The following PLOD2 variants were observed in gnomAD, a reference collection of about 807,000 sequenced individuals.
PLOD2 encodes the protein procollagen-lysine,2-oxoglutarate 5-dioxygenase 2, also known as lysine hydroxylase 2.
Under a neutral mutation model 101.0 loss-of-function variants are expected in PLOD2, and 65 were observed. The ratio of observed to expected loss-of-function variants is 0.64; its 90% CI spans 0.53 to 0.79. The LOEUF is 0.79. PLOD2 is among the 30% of genes least tolerant of loss of function. PLOD2 has a pLI of 0.00. For missense variants in PLOD2, 909 were observed against 914.6 expected (o/e 0.99, Z 0.08); for synonymous variants, 314 against 302.9 (o/e 1.04, Z -0.38).
intron 7 of PLOD2, among the ~76,000 whole-genome samples, chr3:146,097,065 C>T (rs1238768910): frequency 2.7e-5 from 4 of 148,476 alleles, no homozygotes; most frequent in Non-Finnish European, 4.5e-5. Flanking sequence ...TCTGCCCGGC[C>T]GCCCCTACTG....
chr3:146,109,827 CA>C (rs1937596484), intron 4 of PLOD2, among the ~76,000 whole-genome samples: 2 of 152,160 alleles, frequency 1.3e-5, no homozygotes, highest in Non-Finnish European at 2.9e-5. Context: ...GGGTTCAAGA[CA>C]AATCATTTAT....
intron 3 of PLOD2, among the ~76,000 whole-genome samples, chr3:146,113,869 G>A (rs1393274126): frequency 2.6e-5 from 4 of 152,156 alleles, no homozygotes; most frequent in African/African-American, 9.7e-5. Context: ...GCGGAACAGA[G>A]CCATATTTCT....
intron 15 of PLOD2, 41 bp downstream of exon 15, chr3:146,076,741 C>A: frequency 1.1e-6 from 1 of 949,922 alleles, no homozygotes. Flanking sequence ...TAACCACTTA[C>A]AGTTATAGAA....
chr3:146,085,079 T>G, intron 11 of PLOD2, 90 bp downstream of exon 11: 1 of 670,934 alleles, frequency 1.5e-6, no homozygotes, highest in Non-Finnish European at 2.7e-6. Context: ...TTCCCTCAAT[T>G]TACTAAATAC....
intron 1 of PLOD2, among the ~76,000 whole-genome samples, chr3:146,125,558 T>A (rs1287825249): frequency 1.3e-5 from 2 of 151,914 alleles, no homozygotes; most frequent in Non-Finnish European, 2.9e-5. Flanking sequence ...ACCAGCCTGG[T>A]CAACATGGTG....
intron 8 of PLOD2, among the ~76,000 whole-genome samples, chr3:146,090,879 T>C (rs1242692215): frequency 6.6e-6 from 1 of 151,778 alleles, no homozygotes; most frequent in African/African-American, 2.4e-5. Flanking sequence ...CTGCTGTAGA[T>C]ACTCAATGAA....
rs779123162 is a variant in PLOD2 at position 146,072,615 on chromosome 3, A to T, written c.1794T>A (p.Asp598Glu). The T allele has an allele frequency of 1.2e-6, 2 of 1,610,852 alleles. No individual in the cohort carries two copies. The highest frequency in any genetic ancestry group is 3.3e-5 in the Admixed American group (2 of 59,720). ...AATGTTCCATTTCTTCTACCAATTC[A>T]TCACAGGCTTTTTCAGAAAATATGG... ...WFPIFSEKAC[D>E]ELVEEMEHYG... Residue 598 changes from aspartate (D) to glutamate (E), a missense_variant, in exon 17 of 20, where the codon GAT becomes GAA. By Grantham distance (45) the Asp-to-Glu change is conservative. Coordinates refer to ENST00000282903, the MANE Select transcript of PLOD2 (RefSeq NM_182943.3).
intron 12 of PLOD2, among the ~76,000 whole-genome samples, chr3:146,080,160 T>G (rs946686854): frequency 6.6e-6 from 1 of 152,002 alleles, no homozygotes; most frequent in Admixed American, 6.6e-5. Flanking sequence ...CCCCGCCTTA[T>G]GTGAGGGTGA....
At chr3:146,124,369 G>C (rs1236303539) in intron 1 of PLOD2, 140 bp from the exon 2 acceptor site, 2 of 566,484 alleles carry the variant, frequency 3.5e-6, no homozygotes, top group Non-Finnish European at 6.3e-6. Context: ...TAAACAAAGA[G>C]CTGTCGAAAA....
intron 13 of PLOD2, 46 bp from the exon 14 acceptor site, chr3:146,077,970 C>G: frequency 1.0e-6 from 1 of 992,762 alleles, no homozygotes; most frequent in Non-Finnish European, 1.6e-6. Flanking sequence ...TACACCCGCT[C>G]TCTCAGGTAT....
At chr3:146,093,801 T>C (rs539910741) in intron 7 of PLOD2, among the ~76,000 whole-genome samples, 1 of 152,314 alleles carries the variant, frequency 6.6e-6, no homozygotes, top group Admixed American at 6.5e-5. Flanking sequence ...CCTATATGAA[T>C]ATTAAAATGA....
intron 1 of PLOD2, among the ~76,000 whole-genome samples, chr3:146,156,431 CAAAT>C (rs1177648236): frequency 1.3e-5 from 2 of 152,232 alleles, no homozygotes; most frequent in Non-Finnish European, 2.9e-5. Context: ...AATAAGTAAA[CAAAT>C]GAATGTGGCT....
At position 146,114,682 on chromosome 3, in the gene PLOD2, C is replaced by T. The variant is rs563813816; in HGVS notation, c.339-4234G>A. Among the ~76,000 whole-genome samples, 10 of 152,086 alleles carry T rather than the reference C, an allele frequency of 6.6e-5. No homozygotes were observed. In the East Asian group the frequency reaches 7.8e-4, roughly 12 times the overall value. ...AGAACCCAATCTGCAAAATTTGGTA[C>T]GAAGAGTGGGGAAAAGGAAAGTAGA... is the stretch of plus-strand genomic sequence containing the variant. On this transcript the variant is annotated intron_variant, in intron 3 of 19. Transcript: ENST00000282903.
At chr3:146,124,346 ATCTAC>A (rs2030412504) in intron 1 of PLOD2, 117 bp from the exon 2 acceptor site, 2 of 659,570 alleles carry the variant, frequency 3.0e-6, no homozygotes, top group Middle Eastern at 3.9e-4. Context: ...TGGTTTACTT[ATCTAC>A]ACAAGACTAA....
intron 1 of PLOD2, among the ~76,000 whole-genome samples, chr3:146,139,237 GATTCCAAGTT>G (rs1484963089): frequency 6.6e-6 from 1 of 152,140 alleles, no homozygotes; most frequent in Admixed American, 6.5e-5. Context: ...AGTGAAGAAG[GATTCCAAGTT>G]ATTTCATAAG....
intron 1 of PLOD2, among the ~76,000 whole-genome samples, chr3:146,128,163 C>T (rs2030687939): frequency 6.6e-6 from 1 of 151,910 alleles, no homozygotes; most frequent in African/African-American, 2.4e-5. Flanking sequence ...TAATTAATAC[C>T]TTTTCCAATC....
intron 1 of PLOD2, among the ~76,000 whole-genome samples, chr3:146,138,103 C>G (rs1300494587): frequency 6.6e-6 from 1 of 152,032 alleles, no homozygotes. Context: ...CAAGATGGAG[C>G]AGATCACAGA....
intron 1 of PLOD2, among the ~76,000 whole-genome samples, chr3:146,139,161 A>G (rs2031398309): frequency 6.6e-6 from 1 of 152,180 alleles, no homozygotes; most frequent in Non-Finnish European, 1.5e-5. Context: ...CATCCATTTG[A>G]ATATGTTTCT....
intron 7 of PLOD2, among the ~76,000 whole-genome samples, chr3:146,094,167 T>C (rs1358056288): frequency 2.6e-5 from 4 of 152,226 alleles, no homozygotes; most frequent in Non-Finnish European, 5.9e-5. Flanking sequence ...AATATCAAAA[T>C]GTTTCCAAGT....
Sources: gnomAD v4.1 joint callset for allele counts (sites outside exome capture counted in the v4.1 genomes callset) on GRCh38, gnomAD v4.1.1 for gene constraint, MANE v1.5 for transcripts, NCBI Gene and HGNC (gene_info 2026-07-23, HGNC 2026-07-21) for gene names.